Variants in ZNF292 observed in about 807,000 individuals in gnomAD.
The protein encoded by ZNF292 is 16 zinc-finger domain protein.
A neutral mutation model predicts 217.9 loss-of-function variants in ZNF292; 26 were observed. The ratio of observed to expected loss-of-function variants is 0.12; its 90% CI spans 0.09 to 0.17. The LOEUF (loss-of-function observed/expected upper bound fraction) is 0.17, where lower values mean the gene tolerates loss of function less well. ZNF292 is among the 10% of genes least tolerant of loss of function. The probability of loss-of-function intolerance (pLI) is 1.00; values close to 1 mark genes in which losing one functional copy is unlikely to be tolerated. For missense variants in ZNF292, 2,904 were observed against 3,175.2 expected, an observed-to-expected ratio of 0.91 and a Z score of 2.05; for synonymous variants, 1,257 against 1,124.1, an observed-to-expected ratio of 1.12 and a Z score of -2.37.
At chr6:87,181,522 C>G (rs555787745) in intron 1 of ZNF292, among the ~76,000 whole-genome samples, 1 of 152,022 alleles carries the variant, frequency 6.6e-6, no homozygotes, top group Non-Finnish European at 1.5e-5. Context: ...ACTTTTTGGG[C>G]GCAAAAACAG....
intron 1 of ZNF292, among the ~76,000 whole-genome samples, chr6:87,178,133 C>T (rs958870988): frequency 2.6e-5 from 4 of 152,106 alleles, no homozygotes; most frequent in Non-Finnish European, 5.9e-5. Context: ...TTAGGCCTTC[C>T]TATGCTACTA....
At chr6:87,216,507 C>A in intron 3 of ZNF292, 130 bp downstream of exon 3, 1 of 643,072 alleles carries the variant, frequency 1.6e-6, no homozygotes, top group Non-Finnish European at 2.7e-6. Flanking sequence ...ATCTTATTGA[C>A]ACTAGTATCT....
rs1400033521 is a variant in ZNF292, at chr6:87,239,648, CGG to C, written c.742-3826_742-3825del. On this transcript the variant is annotated intron_variant, in intron 5 of 7. Transcript: ENST00000369577. Reference sequence around the variant, plus strand: ...CTTCTCAGACGGGGCGGCTGCCGGGCGGAGGGGCTCCTCACTTCTCAGACGGG... The same window carrying C: ...CTTCTCAGACGGGGCGGCTGCCGGGCAGGGGCTCCTCACTTCTCAGACGGG... Among the ~76,000 whole-genome samples the C allele has an allele frequency of 4.3e-3, 535 of 124,552 alleles. 18 individuals carry two copies. The highest frequency in any genetic ancestry group is 0.019 in the African/African-American group (506 of 27,090). 81.7% of individuals were successfully genotyped at this position (124,552 alleles called of 152,430 possible).
chr6:87,259,765 G>GAA lies in ZNF292; in HGVS notation c.6144_6145dup (p.Ser2049LysfsTer12). Reference sequence around the variant, plus strand: ...AGTGATCCCAGAAAAACAACTTGTAGAAAAAAAAAGTCCTGACAAAACAGA... The same window carrying GAA: ...AGTGATCCCAGAAAAACAACTTGTAGAAAAAAAAAAAGTCCTGACAAAACAGA... On this transcript the variant is annotated frameshift_variant, in exon 8 of 8. Transcript: ENST00000369577. LOFTEE classifies it high-confidence loss of function. The GAA allele has an allele frequency of 6.3e-7, 1 of 1,595,906 alleles. No individual in the cohort carries two copies. The highest frequency in any genetic ancestry group is 1.1e-5 in the South Asian group (1 of 88,708).
At chr6:87,159,511 TTTTTTA>T (rs979836297) in intron 1 of ZNF292, among the ~76,000 whole-genome samples, 4 of 144,224 alleles carry the variant, frequency 2.8e-5, no homozygotes, top group African/African-American at 1.1e-4. Context: ...TTTTTTTTTT[TTTTTTA>T]AAAAAGATGT....
At chr6:87,248,618 AT>A (rs1266269737) in intron 7 of ZNF292, among the ~76,000 whole-genome samples, 1 of 152,192 alleles carries the variant, frequency 6.6e-6, no homozygotes, top group Non-Finnish European at 1.5e-5. Context: ...CCAATAATAA[AT>A]TTCCTATGAA....
intron 4 of ZNF292, among the ~76,000 whole-genome samples, chr6:87,226,128 T>C (rs902132359): frequency 2.0e-5 from 3 of 152,170 alleles, no homozygotes; most frequent in Non-Finnish European, 4.4e-5. Flanking sequence ...TACTTCTATA[T>C]TGGGTTAATT....
intron 1 of ZNF292, among the ~76,000 whole-genome samples, chr6:87,211,308 T>G (rs1382736208): frequency 6.6e-6 from 1 of 152,194 alleles, no homozygotes; most frequent in African/African-American, 2.4e-5. Flanking sequence ...GTATGACCTG[T>G]GAGACACACA....
rs747740747 is a variant in ZNF292 at position 87,261,328 on chromosome 6, A to C, written c.7699A>C (p.Thr2567Pro). Residue 2567 changes from threonine (T) to proline (P), a missense_variant, in exon 8 of 8, where the codon ACT (threonine) becomes CCT (proline). Thr to Pro is a conservative substitution (Grantham distance 38). This residue lies in a region of ZNF292 where 380 missense variants were observed against 355.3 expected (regional missense o/e 1.07). Coordinates refer to ENST00000369577, the MANE Select transcript of ZNF292 (RefSeq NM_015021.3). Reference sequence around the variant, plus strand: ...AAGTAGCGTGCGTAAAGAAGAAGAAACTGCTGTTGCCATTCAAACCATTGA... The same window carrying C: ...AAGTAGCGTGCGTAAAGAAGAAGAACCTGCTGTTGCCATTCAAACCATTGA... ...ELSSVRKEEE[T>P]AVAIQTIEEH... 5.0e-6 allele frequency: 8 copies of C among 1,613,476 alleles called. No homozygotes were observed. In the East Asian group the frequency reaches 1.3e-4, roughly 27 times the overall value.
chr6:87,259,881 G>T lies in ZNF292; in HGVS notation c.6252G>T (p.Arg2084Ser). Residue 2084 changes from arginine to serine, a missense_variant, in exon 8 of 8, where the codon AGG becomes AGT. Transcript: ENST00000369577. Reference sequence around the variant, plus strand: ...AAACCAAAGGACGGAAGATTAGGAGGCATAAAAAAGAAAAGGAGGAGAAAA... The same window carrying T: ...AAACCAAAGGACGGAAGATTAGGAGTCATAAAAAAGAAAAGGAGGAGAAAA... The part of the protein sequence containing the change: ...NTQTKGRKIR[R>S]HKKEKEEKKR... The T allele has an allele frequency of 6.2e-7, 1 of 1,613,394 alleles. No homozygotes were observed. The highest frequency in any genetic ancestry group is 1.7e-5 in the Admixed American group (1 of 59,884).
intron 1 of ZNF292, among the ~76,000 whole-genome samples, chr6:87,188,825 A>G (rs1384091672): frequency 1.3e-5 from 2 of 151,854 alleles, no homozygotes; most frequent in Non-Finnish European, 2.9e-5. Flanking sequence ...GGCTGGCTAT[A>G]TATTAATCTA....
intron 4 of ZNF292, among the ~76,000 whole-genome samples, chr6:87,228,545 G>A (rs1045395487): frequency 6.6e-6 from 1 of 152,110 alleles, no homozygotes. Flanking sequence ...TTTCTTCTAC[G>A]AGTTCTGTAA....
At chr6:87,171,481 A>G (rs1258217526) in intron 1 of ZNF292, among the ~76,000 whole-genome samples, 2 of 152,024 alleles carry the variant, frequency 1.3e-5, no homozygotes, top group Non-Finnish European at 2.9e-5. Flanking sequence ...TGATTAAGGC[A>G]TAATGTTTGC....
intron 1 of ZNF292, among the ~76,000 whole-genome samples, chr6:87,184,485 T>C (rs1771575802): frequency 6.6e-6 from 1 of 151,524 alleles, no homozygotes; most frequent in Admixed American, 6.6e-5. Flanking sequence ...TTTTTTTTTT[T>C]TTTTTGAGGG....
chr6:87,253,519 C>T (rs190997537), intron 7 of ZNF292, among the ~76,000 whole-genome samples: 6 of 152,160 alleles, frequency 3.9e-5, no homozygotes, highest in Non-Finnish European at 8.8e-5. Flanking sequence ...CATGAGCCAC[C>T]GCACCCAGCC....
At chr6:87,188,353 C>T (rs1373886975) in intron 1 of ZNF292, among the ~76,000 whole-genome samples, 2 of 152,150 alleles carry the variant, frequency 1.3e-5, no homozygotes, top group African/African-American at 2.4e-5. Context: ...AAAGAGAAAT[C>T]GCTAAGGTAA....
chr6:87,178,927 C>T (rs2127776942), intron 1 of ZNF292, among the ~76,000 whole-genome samples: 1 of 152,034 alleles, frequency 6.6e-6, no homozygotes, highest in East Asian at 1.9e-4. Context: ...TTAGTAATAC[C>T]CTTATTTAAG....
intron 4 of ZNF292, among the ~76,000 whole-genome samples, chr6:87,227,356 G>A (rs555390606): frequency 1.3e-5 from 2 of 152,056 alleles, no homozygotes; most frequent in African/African-American, 4.8e-5. Context: ...TTGAAGCATT[G>A]TGTTTTATTA....
intron 7 of ZNF292, among the ~76,000 whole-genome samples, chr6:87,250,847 C>T (rs1774884462): frequency 1.3e-5 from 2 of 152,108 alleles, no homozygotes; most frequent in African/African-American, 4.8e-5. Flanking sequence ...AAAATACATC[C>T]CTGCCTTTAA....
Sources: gnomAD v4.1 joint callset for allele counts (sites outside exome capture counted in the v4.1 genomes callset) on GRCh38, gnomAD v4.1.1 for gene constraint, gnomAD v4.1.1 regional missense constraint, MANE v1.5 for transcripts, NCBI Gene and HGNC (gene_info 2026-07-23, HGNC 2026-07-21) for gene names.